Variants in MTMR14 observed in about 807,000 individuals in gnomAD.
The protein encoded by MTMR14 is phosphatidylinositol-3,5-bisphosphate 3-phosphatase MTMR14.
MTMR14 carries 48 observed loss-of-function variants against 86.3 expected under a neutral mutation model. The observed-to-expected ratio is 0.56, with a 90% CI of 0.44 to 0.71. The LOEUF (loss-of-function observed/expected upper bound fraction) is 0.71, where lower values mean the gene tolerates loss of function less well. Ranked by LOEUF, MTMR14 falls within the 30% of genes least tolerant of loss-of-function variation. The pLI is 0.00. For missense variants in MTMR14, 780 were observed against 834.6 expected, an observed-to-expected ratio of 0.93 and a Z score of 0.81; for synonymous variants, 366 against 326.1, an observed-to-expected ratio of 1.12 and a Z score of -1.32.
Position 9,697,707 on chromosome 3 carries a change from C to T in MTMR14, c.1614-4C>T, listed in dbSNP as rs775116717. ...CTCTCCCCTCTCTCTCCTCTCTGCC[C>T]CAGATCAGTGGACCATCCCCTGCCC... On this transcript the variant is annotated splice_region_variant and splice_polypyrimidine_tract_variant and intron_variant, in intron 17 of 18. Coordinates refer to ENST00000296003, the MANE Select transcript of MTMR14 (RefSeq NM_001077525.3). 3.7e-5 allele frequency: 59 copies of T among 1,613,800 alleles called. 2 individuals are homozygous for T. In the South Asian group the frequency reaches 5.6e-4, roughly 15 times the overall value.
Position 9,697,800 on chromosome 3 carries a change from G to A in MTMR14, c.1703G>A (p.Arg568Gln), listed in dbSNP as rs776656035. The change falls in exon 18 of 19, where the codon CGG becomes CAG. Residue 568 changes from arginine to glutamine, a missense_variant. Physicochemically the swap from Arg to Gln is conservative, Grantham distance 43. Coordinates refer to ENST00000296003, the MANE Select transcript of MTMR14 (RefSeq NM_001077525.3). The stretch of plus-strand genomic sequence containing the variant: ...ACGGGCTGTGGCAGTATTCAGGAGC[G>A]GGCTGTCCTGCACACAGACTCCTCT... ...MVTGCGSIQE[R>Q]AVLHTDSSLP... 46 of 1,614,060 alleles carry A rather than the reference G, an allele frequency of 2.8e-5. No individual in the cohort carries two copies. The highest frequency in any genetic ancestry group is 7.7e-5 in the South Asian group (7 of 91,094).
Position 9,698,711 on chromosome 3 carries a change from G to A in MTMR14, c.1769+845G>A, listed in dbSNP as rs904262800. Among the ~76,000 whole-genome samples the A allele has an allele frequency of 1.1e-4, 16 of 152,228 alleles. 1 individual carries two copies. Among genetic ancestry groups the A allele is most frequent in the African/African-American group, 3.9e-4 (16 of 41,456 alleles). On this transcript the variant is annotated intron_variant, in intron 18 of 18. Coordinates refer to ENST00000296003, the MANE Select transcript of MTMR14 (RefSeq NM_001077525.3). ...GGGCCCTGGATCCTAGCTGAGGGCA[G>A]TCAGGAGCCAGTCAGACCTTGAAAT... is the stretch of plus-strand genomic sequence containing the variant.
At position 9,697,551 on chromosome 3, in the gene MTMR14, G is replaced by A. The variant is rs6795630; in HGVS notation, c.1614-160G>A. 0.092 allele frequency among the ~76,000 whole-genome samples: 14,035 copies of A among 151,936 alleles called. 657 individuals are homozygous for A. The highest frequency in any genetic ancestry group is 0.12 in the Admixed American group (1,909 of 15,274). The stretch of plus-strand genomic sequence containing the variant: ...ACCTGGTGATCTATTCTTTTTTCTC[G>A]GTCACTACTTGTCCAGCTTTTTTTT... On this transcript the variant is annotated intron_variant, in intron 17 of 18. Coordinates refer to ENST00000296003, the MANE Select transcript of MTMR14 (RefSeq NM_001077525.3).
intron 9 of MTMR14, among the ~76,000 whole-genome samples, chr3:9,681,742 A>T (rs886390642): frequency 1.3e-5 from 2 of 152,058 alleles, no homozygotes; most frequent in African/African-American, 4.8e-5. Flanking sequence ...GTTCCCTCAG[A>T]CTTCTGCTTC....
In MTMR14 at chr3:9,697,750, A is replaced by C. The variant is rs748808318; in HGVS notation, c.1653A>C (p.Thr551=). 7 of 1,614,052 alleles carry C rather than the reference A, an allele frequency of 4.3e-6. No homozygotes were observed. Among genetic ancestry groups the C allele is most frequent in the Non-Finnish European group, 5.9e-6 (7 of 1,179,996 alleles). Residue 551 remains threonine (T), a synonymous_variant, in exon 18 of 19, where the codon ACA becomes ACC. Coordinates refer to ENST00000296003, the MANE Select transcript of MTMR14 (RefSeq NM_001077525.3). ...DHPLPGSSLS[T]DYGSWQMVTG... is the part of the protein sequence containing the mutation. ...CCCTGCCCGGATCCTCTCTCTCCAC[A>C]GACTATGGCAGCTGGCAGATGGTAA...
Position 9,668,656 on chromosome 3 carries a change from G to A in MTMR14, c.418-63G>A. The A allele has an allele frequency of 3.2e-6, 5 of 1,565,224 alleles. No homozygotes were observed. In the South Asian group the frequency reaches 3.3e-5, roughly 10 times the overall value. ...TGGAAGAGTCAGAGGAGTCCCACATGTTCCTTCAACTGTGCATGCTTCAGA... is the reference window on the plus strand; with the variant it reads ...TGGAAGAGTCAGAGGAGTCCCACATATTCCTTCAACTGTGCATGCTTCAGA... On this transcript the variant is annotated intron_variant, in intron 3 of 18. Transcript: ENST00000296003.
chr3:9,652,025 T>C (rs1011672135), intron 1 of MTMR14, among the ~76,000 whole-genome samples: 1 of 151,936 alleles, frequency 6.6e-6, no homozygotes, highest in Non-Finnish European at 1.5e-5. Context: ...AGAGATGGGG[T>C]TTCACCATGT....
Position 9,687,890 on chromosome 3 carries a change from A to T in MTMR14, c.1234A>T (p.Arg412Trp), listed in dbSNP as rs2076012800. Reference sequence around the variant, plus strand: ...GGAGTTCTCTGCTCTGAAGACCCAGAGGTAAGTGGAGGCCTGCACGTGTCA... The same window carrying T: ...GGAGTTCTCTGCTCTGAAGACCCAGTGGTAAGTGGAGGCCTGCACGTGTCA... ...SEEFSALKTQ[R>W]RKSLPARDGG... The change falls in exon 14 of 19, where the codon AGG becomes TGG. Residue 412 changes from arginine to tryptophan, a missense_variant and splice_region_variant. By Grantham distance (101) the Arg-to-Trp change is moderately radical. Transcript: ENST00000296003. 1.3e-6 allele frequency: 2 copies of T among 1,585,762 alleles called. No individual in the cohort carries two copies. The highest frequency in any genetic ancestry group is 2.3e-5 in the South Asian group (2 of 87,680).
Position 9,685,216 on chromosome 3 carries a change from T to C in MTMR14, c.1133T>C (p.Met378Thr). Residue 378 changes from methionine (M) to threonine (T), a missense_variant, in exon 13 of 19, where the codon ATG becomes ACG. Transcript: ENST00000296003. ...CTCTACCCTCCTTTTTTCAGGCACATGTTGGTAGATCGGCTCAGCAAAGGG... is the reference window on the plus strand; with the variant it reads ...CTCTACCCTCCTTTTTTCAGGCACACGTTGGTAGATCGGCTCAGCAAAGGG... ...VAYDWFLFGHMLVDRLSKGEE... is the reference protein window; with the variant it reads ...VAYDWFLFGHTLVDRLSKGEE... 6.2e-7 allele frequency: 1 copy of C among 1,614,094 alleles called. No homozygotes were observed. Among genetic ancestry groups the C allele is most frequent in the Non-Finnish European group, 8.5e-7 (1 of 1,179,994 alleles).
chr3:9,701,256 T>C lies in MTMR14; in HGVS notation c.1770-534T>C, dbSNP rs1184229823. ...CCCTCCTTCCCAGTGATCGCAAAGA[T>C]AGTTATTTTCACAACAGGTCAGGTC... On this transcript the variant is annotated intron_variant, in intron 18 of 18. Coordinates refer to ENST00000296003, the MANE Select transcript of MTMR14 (RefSeq NM_001077525.3). The surrounding 1 kb of genome is among the most constrained non-coding windows in gnomAD (Gnocchi z 4.2). 1 of 166,272 alleles carries C rather than the reference T, an allele frequency of 6.0e-6. No individual in the cohort carries two copies. Among genetic ancestry groups the C allele is most frequent in the African/African-American group, 2.4e-5 (1 of 41,600 alleles). 10.3% of individuals were successfully genotyped at this position (166,272 alleles called of 1,614,324 possible). A position where few individuals can be genotyped will look rare whatever the true frequency, so the allele number is the denominator to read the frequency against.
intron 2 of MTMR14, chr3:9,659,693 T>G (rs903484665): frequency 4.4e-6 from 2 of 455,308 alleles, no homozygotes; most frequent in Admixed American, 2.3e-5. Context: ...ATCTGCCGCC[T>G]GAGCCTCCCC....
At position 9,649,719 on chromosome 3, in the gene MTMR14, G is replaced by T. The variant is rs1392265573; in HGVS notation, c.136G>T (p.Gly46Cys). 5.0e-6 allele frequency: 8 copies of T among 1,613,490 alleles called. No homozygotes were observed. Among genetic ancestry groups the T allele is most frequent in the Non-Finnish European group, 6.8e-6 (8 of 1,179,848 alleles). The part of the protein sequence containing the change: ...FSRTQYRAKD[G>C]SGTGGSKVER... ...CCGGACTCAGTACCGGGCCAAGGAT[G>T]GCAGCGGGACCGGCGGCTCTAAGGT... is the stretch of plus-strand genomic sequence containing the variant. Residue 46 changes from glycine to cysteine, a missense_variant, in exon 1 of 19, where the codon GGC becomes TGC. Coordinates refer to ENST00000296003, the MANE Select transcript of MTMR14 (RefSeq NM_001077525.3).
chr3:9,690,482 C>A (rs1363387797), intron 17 of MTMR14, among the ~76,000 whole-genome samples: 1 of 152,198 alleles, frequency 6.6e-6, no homozygotes, highest in Non-Finnish European at 1.5e-5. Context: ...AGAGATAGAT[C>A]TAGATTCTGA....
At chr3:9,686,611 C>T (rs1175924456) in intron 13 of MTMR14, among the ~76,000 whole-genome samples, 1 of 152,202 alleles carries the variant, frequency 6.6e-6, no homozygotes, top group East Asian at 1.9e-4. Context: ...AGCATATTAG[C>T]ATATTAAAGA....
intron 1 of MTMR14, among the ~76,000 whole-genome samples, chr3:9,652,185 A>G (rs2047341198): frequency 6.6e-6 from 1 of 151,820 alleles, no homozygotes; most frequent in Admixed American, 6.6e-5. Context: ...GGCTGGTCTC[A>G]AGCTCCTGAT....
Position 9,659,479 on chromosome 3 carries a change from T to C in MTMR14, c.309-2788T>C, listed in dbSNP as rs375577212. 6.5e-4 allele frequency: 147 copies of C among 225,884 alleles called. 3 individuals carry two copies. In the South Asian group the frequency reaches 7.5e-3, roughly 12 times the overall value. 14.0% of individuals were successfully genotyped at this position (225,884 alleles called of 1,614,324 possible). On this transcript the variant is annotated intron_variant, in intron 2 of 18. Coordinates refer to ENST00000296003, the MANE Select transcript of MTMR14 (RefSeq NM_001077525.3). Reference sequence around the variant, plus strand: ...TTTTTTTTAAGACGGAGTCTCATTCTGTTGCCCAGGCTGGAGTGCAGTGGC... The same window carrying C: ...TTTTTTTTAAGACGGAGTCTCATTCCGTTGCCCAGGCTGGAGTGCAGTGGC...
intron 9 of MTMR14, among the ~76,000 whole-genome samples, chr3:9,680,823 C>T (rs1233015520): frequency 2.6e-5 from 4 of 151,980 alleles, no homozygotes; most frequent in Non-Finnish European, 4.4e-5. Context: ...GGCGACAGAG[C>T]GAGACTCCGT....
At chr3:9,657,260 C>T (rs2047661411) in intron 2 of MTMR14, among the ~76,000 whole-genome samples, 1 of 152,124 alleles carries the variant, frequency 6.6e-6, no homozygotes, top group Admixed American at 6.5e-5. Flanking sequence ...GGGGATCTTT[C>T]TACAATGCAG....
At position 9,672,685 on chromosome 3, in the gene MTMR14, T is replaced by C. The variant is rs199688667; in HGVS notation, c.678T>C (p.Asn226=). 6.0e-5 allele frequency: 97 copies of C among 1,614,010 alleles called. No individual in the cohort carries two copies. The highest frequency in any genetic ancestry group is 4.2e-4 in the Admixed American group (25 of 60,018). Reference sequence around the variant, plus strand: ...AACACATTGTATCCTTGTCTTGTAGTGTAACCTCCTCTGAGAAGGTGGACA... The same window carrying C: ...AACACATTGTATCCTTGTCTTGTAGCGTAACCTCCTCTGAGAAGGTGGACA... ...VENKKVKFGM[N]VTSSEKVDKA... Residue 226 remains asparagine (N), a splice_region_variant and synonymous_variant, in exon 7 of 19, where the codon AAT becomes AAC. Transcript: ENST00000296003.
Sources: allele counts gnomAD v4.1 joint callset (sites outside exome capture counted in the v4.1 genomes callset), GRCh38; gene constraint gnomAD v4.1.1; non-coding constraint Gnocchi (gnomAD v3.1); transcripts MANE v1.5; gene names NCBI Gene and HGNC (gene_info 2026-07-23, HGNC 2026-07-21).